Variants in URI1 observed in about 807,000 individuals in gnomAD.
URI1 encodes the protein URI1 prefoldin like chaperone.
Under a neutral mutation model 60.2 loss-of-function variants are expected in URI1, and 39 were observed. The observed-to-expected ratio is 0.65, with a 90% CI of 0.50 to 0.85. URI1 has a LOEUF of 0.85. Among genes scored for constraint, URI1 ranks in the 40% least tolerant of loss-of-function variants. The pLI, the probability that URI1 is intolerant of heterozygous loss-of-function variation, is 0.00. For missense variants in URI1, 691 were observed against 665.9 expected, an observed-to-expected ratio of 1.04 and a Z score of -0.42; for synonymous variants, 251 against 236.8, an observed-to-expected ratio of 1.06 and a Z score of -0.55.
intron 4 of URI1, among the ~76,000 whole-genome samples, chr19:29,998,182 GTTAGAAAAGATAC>G (rs1394510823): frequency 2.0e-5 from 3 of 152,030 alleles, no homozygotes; most frequent in Non-Finnish European, 2.9e-5. Flanking sequence ...GAGCATTCCA[GTTAGAAAAGATAC>G]TTTATATGAT....
chr19:30,009,756 A>G (rs993750174), intron 8 of URI1, among the ~76,000 whole-genome samples: 8 of 152,242 alleles, frequency 5.3e-5, no homozygotes, highest in African/African-American at 1.7e-4. Flanking sequence ...CTATGGACAT[A>G]AAATGAATAC....
intron 3 of URI1, among the ~76,000 whole-genome samples, chr19:29,985,855 T>C: frequency 6.6e-6 from 1 of 152,228 alleles, no homozygotes. Flanking sequence ...CCATTAAAGC[T>C]ATTTGTTTAC....
intron 1 of URI1, among the ~76,000 whole-genome samples, chr19:29,952,525 G>C (rs1257775837): frequency 6.6e-6 from 1 of 152,020 alleles, no homozygotes; most frequent in Admixed American, 6.6e-5. Flanking sequence ...GTTTCTTCTA[G>C]GACTTAAAAC....
chr19:30,016,097 A>G lies in URI1; in HGVS notation c.*1028A>G, dbSNP rs1292179540. On this transcript the variant is annotated 3_prime_UTR_variant, in exon 11 of 11. Transcript: ENST00000392271. ...AAAAGCATTCTGCATTAGTACTAAA[A>G]TAAGCCATCAATGCCAGTCCACCCT... 1 of 152,412 alleles carries G rather than the reference A, an allele frequency of 6.6e-6. No homozygotes were observed. The highest frequency in any genetic ancestry group is 2.1e-4 in the South Asian group (1 of 4,836). 9.4% of individuals were successfully genotyped at this position (152,412 alleles called of 1,614,324 possible). A position where few individuals can be genotyped will look rare whatever the true frequency, so the allele number is the denominator to read the frequency against.
intron 4 of URI1, among the ~76,000 whole-genome samples, chr19:29,996,797 G>GTT (rs879938390): frequency 6.8e-6 from 1 of 146,268 alleles, no homozygotes; most frequent in African/African-American, 2.5e-5. Context: ...AATTTATTGA[G>GTT]TTTTTTTTTT....
intron 10 of URI1, among the ~76,000 whole-genome samples, chr19:30,013,187 C>T (rs1254871278): frequency 6.6e-6 from 1 of 152,120 alleles, no homozygotes; most frequent in African/African-American, 2.4e-5. Context: ...TGTTTTGGTG[C>T]GTATTTGAAG....
intron 10 of URI1, among the ~76,000 whole-genome samples, chr19:30,013,620 T>G (rs536303796): frequency 1.3e-5 from 2 of 152,320 alleles, no homozygotes; most frequent in African/African-American, 4.8e-5. Context: ...CTTAGTAGCT[T>G]TGCATTTTGT....
intron 4 of URI1, among the ~76,000 whole-genome samples, chr19:29,995,750 T>G (rs939439189): frequency 2.0e-5 from 3 of 152,130 alleles, no homozygotes; most frequent in African/African-American, 7.2e-5. Context: ...TTTCCTAGAT[T>G]TAGCTTTCAT....
chr19:29,987,399 A>T (rs554582706), intron 4 of URI1, among the ~76,000 whole-genome samples: 36 of 152,328 alleles, frequency 2.4e-4, no homozygotes, highest in Non-Finnish European at 4.0e-4. Flanking sequence ...ATCAACTCCT[A>T]TAAGTTTATA....
At chr19:29,969,982 G>T (rs558842241) in intron 1 of URI1, among the ~76,000 whole-genome samples, 1 of 152,070 alleles carries the variant, frequency 6.6e-6, no homozygotes, top group Non-Finnish European at 1.5e-5. Context: ...TTAATGTGTA[G>T]TATGGTTGGG....
intron 1 of URI1, among the ~76,000 whole-genome samples, chr19:29,952,895 T>G (rs990271722): frequency 2.0e-5 from 3 of 152,190 alleles, no homozygotes; most frequent in African/African-American, 7.2e-5. Flanking sequence ...CCCCAAGTCA[T>G]TTATGACTAT....
At chr19:29,943,355 A>G (rs938389845) in intron 1 of URI1, among the ~76,000 whole-genome samples, 19 of 152,356 alleles carry the variant, frequency 1.2e-4, no homozygotes, top group South Asian at 2.1e-4. Context: ...GGGACTTTAT[A>G]TAAAGAAGTA....
intron 1 of URI1, among the ~76,000 whole-genome samples, chr19:29,954,178 G>A (rs1332713483): frequency 6.6e-6 from 1 of 152,128 alleles, no homozygotes; most frequent in East Asian, 1.9e-4. Flanking sequence ...CAGAATTACT[G>A]CATTAATACC....
At chr19:30,005,559 A>G in intron 5 of URI1, 92 bp from the exon 6 acceptor site, 2 of 1,511,978 alleles carry the variant, frequency 1.3e-6, no homozygotes, top group East Asian at 4.6e-5. Context: ...AAATGCTTTC[A>G]GACATCTTAG....
At chr19:29,949,055 G>GC (rs1198129956) in intron 1 of URI1, among the ~76,000 whole-genome samples, 2 of 138,672 alleles carry the variant, frequency 1.4e-5, no homozygotes, top group African/African-American at 2.7e-5. Flanking sequence ...GGCGGGGGCT[G>GC]CCCCCCGCCT....
chr19:29,986,176 A>G, intron 3 of URI1, 106 bp from the exon 4 acceptor site: 1 of 1,130,988 alleles, frequency 8.8e-7, no homozygotes, highest in Non-Finnish European at 1.2e-6. Flanking sequence ...CCAATGTATA[A>G]ATAAAAAAAT....
rs1160297880 is a variant in URI1, at chr19:29,927,278, T to TTG, written c.63+3525_63+3526insGT. 3.8e-3 allele frequency among the ~76,000 whole-genome samples: 567 copies of TTG among 150,382 alleles called. 1 individual carries two copies. The highest frequency in any genetic ancestry group is 6.3e-3 in the Non-Finnish European group (425 of 67,716). ...TCATCCCTCTTTTTTTTTTTTTTTT[T>TTG]TCTGAAATGGAGTCTTGCTGTCTTG... On this transcript the variant is annotated intron_variant, in intron 1 of 10. Coordinates refer to the URI1 transcript ENST00000360605.
chr19:29,969,154 C>G (rs781242992), intron 1 of URI1, among the ~76,000 whole-genome samples: 5 of 152,156 alleles, frequency 3.3e-5, no homozygotes, highest in Non-Finnish European at 7.4e-5. Context: ...ATATTCTACA[C>G]ACTATATGTA....
chr19:30,012,904 T>C (rs1239809140), intron 10 of URI1: 1 of 165,830 alleles, frequency 6.0e-6, no homozygotes, highest in African/African-American at 2.4e-5. Context: ...ATACCTTGGC[T>C]AAGTTAAAGA....
Sources: gnomAD v4.1 joint callset for allele counts (sites outside exome capture counted in the v4.1 genomes callset) on GRCh38, gnomAD v4.1.1 for gene constraint, MANE v1.5 for transcripts, NCBI Gene and HGNC (gene_info 2026-07-23, HGNC 2026-07-21) for gene names.